Variants in COLGALT2 observed in about 807,000 individuals in gnomAD.
COLGALT2 encodes procollagen galactosyltransferase 2.
In COLGALT2, 49 loss-of-function variants were observed where a neutral mutation model predicts 73.4. That is an observed-to-expected ratio of 0.67 (90% confidence interval 0.53 to 0.85). The LOEUF (loss-of-function observed/expected upper bound fraction) is 0.85. COLGALT2 is among the 40% of genes least tolerant of loss of function. COLGALT2 has a pLI of 0.00. For synonymous variants in COLGALT2, 295 were observed against 307.6 expected, an observed-to-expected ratio of 0.96 and a Z score of 0.43; for missense variants, 722 against 790.2, an observed-to-expected ratio of 0.91 and a Z score of 1.03.
chr1:183,941,217 C>A (rs1670098433), intron 10 of COLGALT2, among the ~76,000 whole-genome samples: 1 of 152,220 alleles, frequency 6.6e-6, no homozygotes, highest in Non-Finnish European at 1.5e-5. Flanking sequence ...CTGCACAGCA[C>A]TCCGAGTGCT....
chr1:184,024,624 T>TGGG lies in COLGALT2; in HGVS notation c.263+12470_263+12471insCCC, dbSNP rs1649275835. Among the ~76,000 whole-genome samples, 38 of 151,124 alleles carry TGGG rather than the reference T, an allele frequency of 2.5e-4. 1 individual carries two copies. In the Admixed American group the frequency reaches 2.5e-3, roughly 10 times the overall value. On this transcript the variant is annotated intron_variant, in intron 1 of 11. Transcript: ENST00000361927. ...CCTTGGCCTCCCAAAGTTCTGGGTT[T>TGGG]ACAGGCGTGAGCCACCACACCCAGC...
Position 183,938,340 on chromosome 1 carries a change from A to C in COLGALT2, c.*421T>G. The C allele has an allele frequency of 9.9e-6, 10 of 1,009,050 alleles. No homozygotes were observed. The highest frequency in any genetic ancestry group is 1.2e-5 in the Non-Finnish European group (10 of 843,084). The allele number at this position is 1,009,050 out of a possible 1,614,324, so 62.5% of individuals were successfully genotyped here. ...TTTTCAATGTCATATAAAACGGACA[A>C]ACTAGACCAATAAGTGTGGTCTAGT... On this transcript the variant is annotated 3_prime_UTR_variant, in exon 12 of 12. Coordinates refer to ENST00000361927, the MANE Select transcript of COLGALT2 (RefSeq NM_015101.4).
At chr1:184,004,613 T>A (rs1672020340) in intron 1 of COLGALT2, among the ~76,000 whole-genome samples, 2 of 152,236 alleles carry the variant, frequency 1.3e-5, no homozygotes, top group African/African-American at 4.8e-5. Context: ...TCTATTTCCA[T>A]AATCTCTAAA....
At chr1:183,958,215 A>T (rs1406138875) in intron 6 of COLGALT2, among the ~76,000 whole-genome samples, 1 of 152,022 alleles carries the variant, frequency 6.6e-6, no homozygotes, top group Non-Finnish European at 1.5e-5. Flanking sequence ...ACCTCACTCA[A>T]ATTCTTCAAC....
At chr1:183,932,520 G>A (rs1239830259), downstream of COLGALT2, among the ~76,000 whole-genome samples, 1 of 152,102 alleles carries the variant, frequency 6.6e-6, no homozygotes, top group Non-Finnish European at 1.5e-5. Context: ...ACTCTTAGAG[G>A]TGGGGCTTCC....
Position 183,935,951 on chromosome 1 carries a change from C to CTT in COLGALT2, c.*2808_*2809dup. 2.0e-6 allele frequency: 2 copies of CTT among 985,474 alleles called. No homozygotes were observed. The highest frequency in any genetic ancestry group is 2.4e-6 in the Non-Finnish European group (2 of 829,960). The allele number at this position is 985,474 out of a possible 1,614,324, so 61.0% of individuals were successfully genotyped here. ...TGATGCAGGGGAACGGGTGTCCACTCTTTCTTGTTCTCAGAGCTCCTGCAG... is the reference window on the plus strand; with the variant it reads ...TGATGCAGGGGAACGGGTGTCCACTCTTTTTCTTGTTCTCAGAGCTCCTGCAG... On this transcript the variant is annotated 3_prime_UTR_variant, in exon 12 of 12. Coordinates refer to ENST00000361927, the MANE Select transcript of COLGALT2 (RefSeq NM_015101.4).
At chr1:183,975,526 C>T (rs780313069) in intron 2 of COLGALT2, among the ~76,000 whole-genome samples, 5 of 152,178 alleles carry the variant, frequency 3.3e-5, no homozygotes, top group African/African-American at 9.7e-5. Flanking sequence ...TTAAGTCATT[C>T]GTCCAATGTT....
At chr1:183,997,154 T>G (rs1671792371) in intron 1 of COLGALT2, among the ~76,000 whole-genome samples, 1 of 152,210 alleles carries the variant, frequency 6.6e-6, no homozygotes, top group Non-Finnish European at 1.5e-5. Context: ...AAGTTCATTT[T>G]CTGTAGAAAA....
At chr1:184,003,466 G>A (rs367821302) in intron 1 of COLGALT2, among the ~76,000 whole-genome samples, 19 of 152,128 alleles carry the variant, frequency 1.2e-4, no homozygotes, top group Non-Finnish European at 2.2e-4. Context: ...CTTCAAATCC[G>A]TCCAGTCCAG....
intron 11 of COLGALT2, among the ~76,000 whole-genome samples, chr1:183,930,658 G>A (rs546214582): frequency 6.9e-6 from 1 of 145,958 alleles, no homozygotes; most frequent in African/African-American, 2.5e-5. Flanking sequence ...AGCTCAAAGC[G>A]ATCTGCCTGC....
At chr1:183,981,478 C>A (rs1177326187) in intron 1 of COLGALT2, among the ~76,000 whole-genome samples, 1 of 126,254 alleles carries the variant, frequency 7.9e-6, no homozygotes, top group Non-Finnish European at 1.8e-5. Flanking sequence ...CATGGTGAAA[C>A]CCGTCCCTAC....
At chr1:183,983,125 A>T (rs1671397020) in intron 1 of COLGALT2, among the ~76,000 whole-genome samples, 1 of 152,232 alleles carries the variant, frequency 6.6e-6, no homozygotes, top group Non-Finnish European at 1.5e-5. Context: ...AACTGTCTGT[A>T]GTGTTACTTC....
chr1:184,026,978 C>A (rs1380345001), intron 1 of COLGALT2, among the ~76,000 whole-genome samples: 1 of 152,100 alleles, frequency 6.6e-6, no homozygotes, highest in African/African-American at 2.4e-5. Context: ...TCGTTTTATA[C>A]TGAGCCCCAG....
Position 183,951,062 on chromosome 1 carries a change from G to A in COLGALT2, c.1081C>T (p.Arg361Cys), listed in dbSNP as rs766695811. ...RRKDRRDRML[R>C]TLYEQEIEVK... ...TCAATCTCCTGTTCATACAGTGTGCGCAGCATCCGGTCCCGCCTGTCCTTT... is the reference window on the plus strand; with the variant it reads ...TCAATCTCCTGTTCATACAGTGTGCACAGCATCCGGTCCCGCCTGTCCTTT... The change falls in exon 8 of 12, where the codon CGC becomes TGC. Residue 361 changes from arginine (R) to cysteine (C), a missense_variant. Coordinates refer to ENST00000361927, the MANE Select transcript of COLGALT2 (RefSeq NM_015101.4). 31 of 1,613,868 alleles carry A rather than the reference G, an allele frequency of 1.9e-5. No homozygotes were observed. The highest frequency in any genetic ancestry group is 2.3e-5 in the Non-Finnish European group (27 of 1,179,842).
chr1:183,943,500 GAGGAAAAATGAAAGGGAAGGGA>G (rs1026504952), intron 10 of COLGALT2, among the ~76,000 whole-genome samples: 9 of 151,854 alleles, frequency 5.9e-5, no homozygotes, highest in East Asian at 1.9e-4. Flanking sequence ...GAGAGAGGGA[GAGGAAAAATGAAAGGGAAGGGA>G]AGGAAAAATG....
At position 184,036,077 on chromosome 1, in the gene COLGALT2, C is replaced by A. The variant is rs970346377; in HGVS notation, c.263+1018G>T. On this transcript the variant is annotated intron_variant, in intron 1 of 11. Transcript: ENST00000361927. ...CTTTATCAACACAAGACAGAAATTG[C>A]TCCAGAGTGACCTGGGCTCTGTCTT... 3.3e-5 allele frequency among the ~76,000 whole-genome samples: 5 copies of A among 152,322 alleles called. No individual in the cohort carries two copies. The East Asian group carries it at 9.6e-4, about 29-fold the overall frequency.
chr1:184,018,191 G>A (rs936481865), intron 1 of COLGALT2, among the ~76,000 whole-genome samples: 1 of 151,930 alleles, frequency 6.6e-6, no homozygotes, highest in Non-Finnish European at 1.5e-5. Context: ...AATTATATCT[G>A]ACCAAAAGCT....
chr1:183,973,088 C>T (rs772581780), intron 4 of COLGALT2, among the ~76,000 whole-genome samples: 2 of 152,170 alleles, frequency 1.3e-5, no homozygotes, highest in Middle Eastern at 3.4e-3. Context: ...TTAATCATGA[C>T]GGTCACGATA....
chr1:183,984,957 G>T (rs2102825143), intron 1 of COLGALT2, among the ~76,000 whole-genome samples: 1 of 152,288 alleles, frequency 6.6e-6, no homozygotes, highest in Middle Eastern at 3.4e-3. Flanking sequence ...AGCAGACCAA[G>T]AAGTCAACAT....
Sources: allele counts gnomAD v4.1 joint callset (sites outside exome capture counted in the v4.1 genomes callset), GRCh38; gene constraint gnomAD v4.1.1; transcripts MANE v1.5; gene names NCBI Gene and HGNC (gene_info 2026-07-23, HGNC 2026-07-21).